XIRP2: variants seen among roughly 807,000 people sequenced by gnomAD.
The protein encoded by XIRP2 is xin actin binding repeat containing 2.
XIRP2 carries 236 observed loss-of-function variants against 277.0 expected under a neutral mutation model. That is an observed-to-expected ratio of 0.85 (90% confidence interval 0.77 to 0.95). XIRP2 has a LOEUF of 0.95. XIRP2 is among the 40% of genes least tolerant of loss of function. The pLI is 0.00. For synonymous variants in XIRP2, 1,490 were observed against 1,416.5 expected (o/e 1.05, Z -1.17); for missense variants, 4,640 against 4,157.5 (o/e 1.12, Z -3.19).
chr2:167,164,649 G>A (rs568833456), intron 3 of XIRP2, among the ~76,000 whole-genome samples: 1 of 152,156 alleles, frequency 6.6e-6, no homozygotes, highest in East Asian at 1.9e-4. Flanking sequence ...ATATTTCATA[G>A]TTTTCAGTGT....
intron 2 of XIRP2, among the ~76,000 whole-genome samples, chr2:167,083,204 C>G (rs1038471749): frequency 2.6e-5 from 4 of 152,064 alleles, no homozygotes; most frequent in African/African-American, 9.7e-5. Context: ...ATAGGGAATC[C>G]TTTCCCCATT....
Position 167,017,188 on chromosome 2 carries a change from G to A in XIRP2, c.408+113298G>A, listed in dbSNP as rs139160614. 2.5e-3 allele frequency among the ~76,000 whole-genome samples: 378 copies of A among 152,082 alleles called. 1 individual carries two copies. Among genetic ancestry groups the A allele is most frequent in the African/African-American group, 8.6e-3 (355 of 41,504 alleles). On this transcript the variant is annotated intron_variant, in intron 2 of 10. Coordinates refer to ENST00000409195, the MANE Select transcript of XIRP2 (RefSeq NM_152381.6). Reference sequence around the variant, plus strand: ...TAGAAGGTGAGTCAGACAAACTACAGCTCCCATTCCTGAAGTTGTTCTCAT... The same window carrying A: ...TAGAAGGTGAGTCAGACAAACTACAACTCCCATTCCTGAAGTTGTTCTCAT...
intron 2 of XIRP2, among the ~76,000 whole-genome samples, chr2:166,960,904 C>T (rs1014532517): frequency 2.6e-5 from 4 of 151,754 alleles, no homozygotes; most frequent in African/African-American, 9.7e-5. Context: ...GTGTATTAAA[C>T]TCATTGGCAG....
At chr2:167,100,181 T>TA (rs968858394) in intron 2 of XIRP2, among the ~76,000 whole-genome samples, 11 of 151,158 alleles carry the variant, frequency 7.3e-5, no homozygotes, top group Non-Finnish European at 8.9e-5. Context: ...AAAAAAAAAT[T>TA]AAAAAAAAAT....
At chr2:167,008,174 TCAA>T (rs982934396) in intron 2 of XIRP2, among the ~76,000 whole-genome samples, 7 of 151,644 alleles carry the variant, frequency 4.6e-5, no homozygotes, top group Non-Finnish European at 1.0e-4. Flanking sequence ...CTCTAATTTG[TCAA>T]CATATATCTT....
At chr2:166,917,896 T>C (rs1487197164) in intron 2 of XIRP2, among the ~76,000 whole-genome samples, 1 of 152,228 alleles carries the variant, frequency 6.6e-6, no homozygotes, top group African/African-American at 2.4e-5. Flanking sequence ...CGTAAGTGAC[T>C]ATTTTTTTCC....
At chr2:167,147,989 CATT>C (rs1161475045) in intron 3 of XIRP2, among the ~76,000 whole-genome samples, 1 of 152,074 alleles carries the variant, frequency 6.6e-6, no homozygotes, top group Non-Finnish European at 1.5e-5. Context: ...TAAGTATTTA[CATT>C]AAAGTTTTAG....
intron 3 of XIRP2, among the ~76,000 whole-genome samples, chr2:167,186,154 G>A (rs1158922767): frequency 6.6e-6 from 1 of 152,054 alleles, no homozygotes; most frequent in Non-Finnish European, 1.5e-5. Context: ...GTCTACATGT[G>A]CTTAATAGCT....
At chr2:167,214,226 GAGGAAGGAAGGAAGGA>G (rs1295438859) in intron 4 of XIRP2, among the ~76,000 whole-genome samples, 1 of 67,292 alleles carries the variant, frequency 1.5e-5, no homozygotes, top group Non-Finnish European at 2.5e-5. Context: ...GGGAGGGAGG[GAGGAAGGAAGGAAGGA>G]AGGAAGGAAG....
chr2:166,981,248 CTCTT>C (rs1686860916), intron 2 of XIRP2, among the ~76,000 whole-genome samples: 1 of 152,124 alleles, frequency 6.6e-6, no homozygotes, highest in Non-Finnish European at 1.5e-5. Flanking sequence ...CAGGGCTATG[CTCTT>C]TCTAAGACTT....
chr2:167,235,220 A>G (rs955909119), intron 5 of XIRP2, among the ~76,000 whole-genome samples: 3 of 151,822 alleles, frequency 2.0e-5, no homozygotes, highest in African/African-American at 7.2e-5. Context: ...ACAGCATCAC[A>G]GAACTGCACA....
intron 2 of XIRP2, among the ~76,000 whole-genome samples, chr2:167,074,577 C>G (rs945744536): frequency 6.6e-6 from 1 of 151,974 alleles, no homozygotes; most frequent in Non-Finnish European, 1.5e-5. Context: ...ATGCATTGGA[C>G]CAAGCATCAG....
chr2:167,230,005 A>T, intron 5 of XIRP2, among the ~76,000 whole-genome samples: 1 of 151,904 alleles, frequency 6.6e-6, no homozygotes, highest in East Asian at 1.9e-4. Context: ...GAGGCCACTT[A>T]GTTTCTCACT....
chr2:166,977,606 A>T (rs147405938), intron 2 of XIRP2, among the ~76,000 whole-genome samples: 1 of 152,332 alleles, frequency 6.6e-6, no homozygotes, highest in African/African-American at 2.4e-5. Flanking sequence ...TAAAAAGAGT[A>T]ACAATGAAGA....
chr2:166,927,024 G>A (rs904164993), intron 2 of XIRP2, among the ~76,000 whole-genome samples: 1 of 152,090 alleles, frequency 6.6e-6, no homozygotes, highest in Non-Finnish European at 1.5e-5. Flanking sequence ...AAACACTCAT[G>A]CTCAACATTA....
chr2:167,029,383 A>G (rs1458561613), intron 2 of XIRP2, among the ~76,000 whole-genome samples: 2 of 152,110 alleles, frequency 1.3e-5, no homozygotes, highest in Non-Finnish European at 2.9e-5. Flanking sequence ...CGTTCCCTCA[A>G]TACCTAGCTT....
At chr2:167,012,971 A>G (rs919485439) in intron 2 of XIRP2, among the ~76,000 whole-genome samples, 1 of 151,188 alleles carries the variant, frequency 6.6e-6, no homozygotes, top group African/African-American at 2.4e-5. Flanking sequence ...TTTTTATCAC[A>G]TGTTCTTCCT....
At position 167,081,400 on chromosome 2, in the gene XIRP2, CG is replaced by C. The variant is rs370771538; in HGVS notation, c.409-54508del. 3.8e-4 allele frequency among the ~76,000 whole-genome samples: 58 copies of C among 152,166 alleles called. 1 individual carries two copies. The East Asian group carries it at 5.4e-3, about 14-fold the overall frequency. ...AGAGGATTACCTGAATCCAGGAGTT[CG>C]AGGCTACAGTCAGCAGTGATTGCAC... On this transcript the variant is annotated intron_variant, in intron 2 of 10. Transcript: ENST00000409195.
chr2:166,957,670 A>G (rs1215942532), intron 2 of XIRP2, among the ~76,000 whole-genome samples: 2 of 151,836 alleles, frequency 1.3e-5, no homozygotes, highest in Non-Finnish European at 2.9e-5. Flanking sequence ...GCTCAGCAGA[A>G]GAAATTGTGG....
Sources: allele counts gnomAD v4.1 joint callset (sites outside exome capture counted in the v4.1 genomes callset), GRCh38; gene constraint gnomAD v4.1.1; transcripts MANE v1.5; gene names NCBI Gene and HGNC (gene_info 2026-07-23, HGNC 2026-07-21).